MINK1: variants seen among roughly 807,000 people sequenced by gnomAD.
MINK1 encodes misshapen like kinase 1.
A neutral mutation model predicts 178.4 loss-of-function variants in MINK1; 46 were observed. The observed-to-expected ratio is 0.26, with a 90% CI of 0.20 to 0.33. The LOEUF (loss-of-function observed/expected upper bound fraction) is 0.33, where lower values mean the gene tolerates loss of function less well. Among genes scored for constraint, MINK1 ranks in the 10% least tolerant of loss-of-function variants. The probability of loss-of-function intolerance (pLI) is 1.00; values close to 1 mark genes in which losing one functional copy is unlikely to be tolerated. For synonymous variants in MINK1, 797 were observed against 709.7 expected (o/e 1.12, Z -1.96); for missense variants, 1,366 against 1,814.9 (o/e 0.75, Z 4.49).
chr17:4,895,976 A>G lies in MINK1; in HGVS notation c.3365-27A>G. 6.3e-7 allele frequency: 1 copy of G among 1,576,146 alleles called. No individual in the cohort carries two copies. ...CCCGTGGCGCAAGAAGGGAAGTCTC[A>G]GCATCCCTCTTCTCTCCCGCCCCCA... On this transcript the variant is annotated intron_variant, in intron 27 of 31. Transcript: ENST00000355280. This position sits in a 1 kb window ranked among gnomAD's most constrained non-coding sequence, Gnocchi z 4.3.
At chr17:4,889,860 C>A in intron 13 of MINK1, 97 bp downstream of exon 13, 2 of 842,026 alleles carry the variant, frequency 2.4e-6, no homozygotes, top group Non-Finnish European at 1.8e-6. Context: ...CTCCCCCACC[C>A]CCAGATTCCT....
chr17:4,839,003 G>A (rs1909737535), intron 1 of MINK1, among the ~76,000 whole-genome samples: 2 of 151,852 alleles, frequency 1.3e-5, no homozygotes, highest in African/African-American at 4.8e-5. Flanking sequence ...GAGTGCAGTG[G>A]CGCGATCTTG....
Position 4,886,279 on chromosome 17 carries a change from G to A in MINK1, c.773+81G>A, listed in dbSNP as rs2151016757. 6.4e-7 allele frequency: 1 copy of A among 1,557,404 alleles called. No individual in the cohort carries two copies. The highest frequency in any genetic ancestry group is 1.7e-5 in the Admixed American group (1 of 59,860). On this transcript the variant is annotated intron_variant, in intron 9 of 31. Transcript: ENST00000355280. This position sits in a 1 kb window ranked among gnomAD's most constrained non-coding sequence, Gnocchi z 6.1. ...CCACCTTCATGCCCTCTGTGCTCAGGCTTGGATCTCACCAGAGAAGAGATT... is the reference window on the plus strand; with the variant it reads ...CCACCTTCATGCCCTCTGTGCTCAGACTTGGATCTCACCAGAGAAGAGATT...
chr17:4,892,314 C>T (rs1418367550), intron 17 of MINK1, 80 bp downstream of exon 17: 3 of 1,451,644 alleles, frequency 2.1e-6, no homozygotes, highest in East Asian at 5.0e-5. Flanking sequence ...ACTTTACCAG[C>T]CTACCCGCCT....
chr17:4,877,155 A>T (rs985076325), intron 1 of MINK1, among the ~76,000 whole-genome samples: 1 of 150,884 alleles, frequency 6.6e-6, no homozygotes, highest in Non-Finnish European at 1.5e-5. Context: ...ACTGGGCTGT[A>T]TCTCTCTTCA....
Position 4,896,930 on chromosome 17 carries a change from G to A in MINK1, c.3915+117G>A. ...TGGCTTCCTGAAAGCGGGCCCCTCTGGGAGCTCAGAGGGCAGTCAGCCACT... is the reference window on the plus strand; with the variant it reads ...TGGCTTCCTGAAAGCGGGCCCCTCTAGGAGCTCAGAGGGCAGTCAGCCACT... On this transcript the variant is annotated intron_variant, in intron 31 of 31. Transcript: ENST00000355280. This position sits in a 1 kb window ranked among gnomAD's most constrained non-coding sequence, Gnocchi z 4.6. The A allele has an allele frequency of 8.1e-6, 11 of 1,356,602 alleles. No homozygotes were observed. Among genetic ancestry groups the A allele is most frequent in the Non-Finnish European group, 1.1e-5 (11 of 1,016,248 alleles). 84.0% of individuals were successfully genotyped at this position (1,356,602 alleles called of 1,614,324 possible). A position where few individuals can be genotyped will look rare whatever the true frequency, so the allele number is the denominator to read the frequency against.
chr17:4,835,785 G>T (rs1909224734), intron 1 of MINK1, among the ~76,000 whole-genome samples: 1 of 152,080 alleles, frequency 6.6e-6, no homozygotes, highest in Non-Finnish European at 1.5e-5. Context: ...AATACCCTCT[G>T]ACCTTAGATG....
At chr17:4,871,924 G>A (rs897929165) in intron 1 of MINK1, among the ~76,000 whole-genome samples, 1 of 152,120 alleles carries the variant, frequency 6.6e-6, no homozygotes, top group Non-Finnish European at 1.5e-5. Flanking sequence ...ATAGCTCACT[G>A]TAGCCTCAAA....
chr17:4,848,399 C>T (rs1276909264), intron 1 of MINK1, among the ~76,000 whole-genome samples: 7 of 152,212 alleles, frequency 4.6e-5, no homozygotes, highest in African/African-American at 7.2e-5. Context: ...CTCACTCTAT[C>T]GCCCAGGCTG....
intron 1 of MINK1, among the ~76,000 whole-genome samples, chr17:4,867,586 G>A (rs934067859): frequency 3.3e-5 from 5 of 152,152 alleles, no homozygotes; most frequent in Non-Finnish European, 7.4e-5. Flanking sequence ...GATCACCTGA[G>A]GTTAGGAGTT....
At chr17:4,877,637 A>G (rs945931503) in intron 1 of MINK1, among the ~76,000 whole-genome samples, 3 of 151,860 alleles carry the variant, frequency 2.0e-5, no homozygotes, top group Non-Finnish European at 4.4e-5. Context: ...AACCATCTGA[A>G]GCATTTGATG....
chr17:4,842,982 G>C (rs1910481025), intron 1 of MINK1, among the ~76,000 whole-genome samples: 1 of 152,208 alleles, frequency 6.6e-6, no homozygotes, highest in African/African-American at 2.4e-5. Context: ...CTGGAGCTGT[G>C]CAGAGCTGCC....
chr17:4,879,179 C>A (rs1967469169), intron 2 of MINK1, among the ~76,000 whole-genome samples: 1 of 150,238 alleles, frequency 6.7e-6, no homozygotes, highest in African/African-American at 2.5e-5. Context: ...GGTGGCCTGA[C>A]CACTGCTGAC....
chr17:4,888,411 G>A (rs896222210), intron 12 of MINK1, among the ~76,000 whole-genome samples: 12 of 151,368 alleles, frequency 7.9e-5, no homozygotes, highest in Non-Finnish European at 1.6e-4. Context: ...GAGGATGGGG[G>A]CGGATCGTGA....
chr17:4,884,929 T>C lies in MINK1; in HGVS notation c.435T>C (p.His145=). The change falls in exon 6 of 32, where the codon CAT becomes CAC. Residue 145 remains histidine, a synonymous_variant. Transcript: ENST00000355280. ...REILRGLAHL[H]AHKVIHRDIK... ...TGTCCCAGGGTCTGGCCCATCTCCA[T>C]GCCCACAAGGTGATCCATCGAGACA... The C allele has an allele frequency of 1.2e-6, 2 of 1,613,936 alleles. No individual in the cohort carries two copies. The highest frequency in any genetic ancestry group is 1.7e-6 in the Non-Finnish European group (2 of 1,179,850).
chr17:4,851,081 T>G (rs1911879932), intron 1 of MINK1: 1 of 457,346 alleles, frequency 2.2e-6, no homozygotes, highest in Admixed American at 2.4e-5. Flanking sequence ...TTTATCTTGT[T>G]TCTTCTCTCC....
Position 4,894,532 on chromosome 17 carries a change from C to T in MINK1, c.2816C>T (p.Ser939Phe), listed in dbSNP as rs200023090. The T allele has an allele frequency of 3.1e-6, 5 of 1,599,682 alleles. No homozygotes were observed. The South Asian group carries it at 5.7e-5, about 18-fold the overall frequency. ...GCTGTCCCCCTACCACAGTACCAGT[C>T]TCGTGGGCTGGTAAAGGCCCCTGGC... is the stretch of plus-strand genomic sequence containing the variant. ...PSKDGSGDYQ[S>F]RGLVKAPGKS... is the part of the protein sequence containing the mutation. Residue 939 changes from serine (S) to phenylalanine (F), a missense_variant, in exon 24 of 32, where the codon TCT (serine) becomes TTT (phenylalanine). By Grantham distance (155) the Ser-to-Phe change is radical (BLOSUM62 -2). Coordinates refer to ENST00000355280, the MANE Select transcript of MINK1 (RefSeq NM_153827.5). The surrounding 1 kb of genome is among the most constrained non-coding windows in gnomAD (Gnocchi z 4.1).
intron 2 of MINK1, among the ~76,000 whole-genome samples, chr17:4,880,556 G>A (rs1372350089): frequency 4.0e-5 from 6 of 148,580 alleles, no homozygotes; most frequent in Admixed American, 4.0e-4. Context: ...CAAAGTGTTG[G>A]GATTACAGGC....
chr17:4,851,734 C>T (rs975594882), intron 1 of MINK1, among the ~76,000 whole-genome samples: 4 of 152,094 alleles, frequency 2.6e-5, no homozygotes, highest in Admixed American at 2.0e-4. Context: ...TGCGTGGTGG[C>T]TCACGCCTGT....
Sources: allele counts gnomAD v4.1 joint callset (sites outside exome capture counted in the v4.1 genomes callset), GRCh38; gene constraint gnomAD v4.1.1; non-coding constraint Gnocchi (gnomAD v3.1); transcripts MANE v1.5; gene names NCBI Gene and HGNC (gene_info 2026-07-23, HGNC 2026-07-21).